Variants in NCOA3 observed in about 807,000 individuals in gnomAD.
NCOA3 encodes the protein nuclear receptor coactivator 3, also known as CBP-interacting protein.
A neutral mutation model predicts 158.8 loss-of-function variants in NCOA3; 51 were observed. The observed-to-expected ratio is 0.32, with a 90% CI of 0.26 to 0.41. NCOA3 has a LOEUF of 0.41. Among genes scored for constraint, NCOA3 ranks in the 10% least tolerant of loss-of-function variants. The probability of loss-of-function intolerance (pLI) is 1.00; values close to 1 mark genes in which losing one functional copy is unlikely to be tolerated. For missense variants in NCOA3, 1,510 were observed against 1,746.6 expected, an observed-to-expected ratio of 0.86 and a Z score of 2.41; for synonymous variants, 537 against 592.4, an observed-to-expected ratio of 0.91 and a Z score of 1.36.
chr20:47,544,173 T>C (rs1253694125), intron 1 of NCOA3, among the ~76,000 whole-genome samples: 1 of 152,006 alleles, frequency 6.6e-6, no homozygotes, highest in Non-Finnish European at 1.5e-5. Flanking sequence ...TGTTTTTTTC[T>C]GTTCCAGGAT....
intron 1 of NCOA3, among the ~76,000 whole-genome samples, chr20:47,558,848 T>C (rs2085054904): frequency 7.0e-6 from 1 of 142,852 alleles, no homozygotes; most frequent in South Asian, 2.3e-4. Flanking sequence ...TTTGGCCATA[T>C]CCACAACCTC....
intron 2 of NCOA3, among the ~76,000 whole-genome samples, chr20:47,610,287 A>G (rs1056481350): frequency 6.6e-6 from 1 of 152,142 alleles, no homozygotes; most frequent in South Asian, 2.1e-4. Flanking sequence ...TGCGGTGATC[A>G]TGGTTCACTG....
At chr20:47,604,318 A>G (rs942505048) in intron 2 of NCOA3, among the ~76,000 whole-genome samples, 3 of 152,210 alleles carry the variant, frequency 2.0e-5, no homozygotes, top group Non-Finnish European at 4.4e-5. Flanking sequence ...GCTGAGCTCA[A>G]ATCAGCTGTT....
At chr20:47,598,831 A>G (rs985346617) in intron 2 of NCOA3, among the ~76,000 whole-genome samples, 4 of 152,244 alleles carry the variant, frequency 2.6e-5, no homozygotes, top group African/African-American at 9.6e-5. Context: ...ATAAAAAGCA[A>G]TGAAGTACAG....
rs1321487210 is a variant in NCOA3, at chr20:47,514,211, T to A, written c.-99+12192T>A. Among the ~76,000 whole-genome samples the A allele has an allele frequency of 4.7e-5, 7 of 150,034 alleles. 1 individual carries two copies. The highest frequency in any genetic ancestry group is 2.0e-4 in the Admixed American group (3 of 14,986). On this transcript the variant is annotated intron_variant, in intron 1 of 22. Coordinates refer to ENST00000371998, the MANE Select transcript of NCOA3 (RefSeq NM_181659.3). ...ATTTTTTTACTTTTATTTTTTTGAATTTTTTTTTTAATTTATCAACATTTT... is the reference window on the plus strand; with the variant it reads ...ATTTTTTTACTTTTATTTTTTTGAAATTTTTTTTTAATTTATCAACATTTT...
Position 47,639,577 on chromosome 20 carries a change from G to A in NCOA3, c.2708G>A (p.Gly903Asp). The A allele has an allele frequency of 6.2e-7, 1 of 1,613,146 alleles. No individual in the cohort carries two copies. Among genetic ancestry groups the A allele is most frequent in the Non-Finnish European group, 8.5e-7 (1 of 1,179,844 alleles). The change falls in exon 15 of 23, where the codon GGT (glycine) becomes GAT (aspartate). Residue 903 changes from glycine to aspartate, a missense_variant and splice_region_variant. Gly to Asp is a moderately conservative substitution (Grantham distance 94). Around this residue, in one of 4 missense-constraint regions of NCOA3, gnomAD observed 1,017 missense variants for 1,098.3 expected, o/e 0.93. Transcript: ENST00000371998. ...ACCTAAGTATGGCTACCTGTTTTAG[G>A]TGGGCCAAACCGAAATGTGACTGTG... is the stretch of plus-strand genomic sequence containing the variant. ...DSQENYGSSM[G>D]GPNRNVTVTQ...
At chr20:47,582,553 G>A (rs1942598531) in intron 1 of NCOA3, among the ~76,000 whole-genome samples, 2 of 151,246 alleles carry the variant, frequency 1.3e-5, no homozygotes, top group South Asian at 4.2e-4. Flanking sequence ...TGTGTGTGGA[G>A]ATGGTGTCTT....
At chr20:47,567,016 G>GTATGTATGTATGTATT (rs1555805238) in intron 1 of NCOA3, among the ~76,000 whole-genome samples, 8 of 66,940 alleles carry the variant, frequency 1.2e-4, no homozygotes, top group South Asian at 1.8e-3. Flanking sequence ...ATAGTACTAT[G>GTATGTATGTATGTATT]TATGTATGTA....
rs1404785214 is a variant in NCOA3 at position 47,608,510 on chromosome 20, A to G, written c.-19-13719A>G. Among the ~76,000 whole-genome samples the G allele has an allele frequency of 1.3e-4, 19 of 151,690 alleles. 1 individual carries two copies. Among genetic ancestry groups the G allele is most frequent in the Admixed American group, 1.2e-3 (19 of 15,204 alleles). On this transcript the variant is annotated intron_variant, in intron 2 of 22. Coordinates refer to ENST00000371998, the MANE Select transcript of NCOA3 (RefSeq NM_181659.3). Reference sequence around the variant, plus strand: ...AAAAATCAGCTGGGCATGGTGGCACATGCGTGTGGTTCCAGCTACTCGGGA... The same window carrying G: ...AAAAATCAGCTGGGCATGGTGGCACGTGCGTGTGGTTCCAGCTACTCGGGA...
intron 1 of NCOA3, among the ~76,000 whole-genome samples, chr20:47,561,011 G>A (rs3091426): frequency 0.57 from 78,572 of 138,746 alleles, 22,665 homozygotes; most frequent in Middle Eastern, 0.68. Context: ...TCTGTCACCC[G>A]GGCTGGAGTA....
Position 47,653,616 on chromosome 20 carries a change from C to G in NCOA3, c.*199C>G. The G allele has an allele frequency of 4.6e-6, 3 of 650,914 alleles. No homozygotes were observed. The highest frequency in any genetic ancestry group is 4.1e-5 in the South Asian group (2 of 48,346). 40.3% of individuals were successfully genotyped at this position (650,914 alleles called of 1,614,324 possible). A position where few individuals can be genotyped will look rare whatever the true frequency, so the allele number is the denominator to read the frequency against. On this transcript the variant is annotated 3_prime_UTR_variant, in exon 23 of 23. Coordinates refer to ENST00000371998, the MANE Select transcript of NCOA3 (RefSeq NM_181659.3). ...GGGCAATATCTACGTGTTTTTCCCC[C>G]CTCCTTCTGCTGTGTATCATGGTGT...
chr20:47,512,412 T>C (rs1406903277), intron 1 of NCOA3, among the ~76,000 whole-genome samples: 1 of 150,200 alleles, frequency 6.7e-6, no homozygotes, highest in South Asian at 2.1e-4. Context: ...CTACTGAAAA[T>C]AAAAAATTAG....
chr20:47,652,431 C>G lies in NCOA3; in HGVS notation c.3972C>G (p.Ala1324=). ...GAATGGGACAACAACCAGATCCAGC[C>G]TTTGGTCGAGTGTCTAGTCCTCCCA... The part of the protein sequence containing the change: ...NYGMGQQPDP[A]FGRVSSPPNA... Residue 1324 remains alanine, a synonymous_variant, in exon 21 of 23, where the codon GCC becomes GCG. Transcript: ENST00000371998. 2.5e-6 allele frequency: 4 copies of G among 1,607,730 alleles called. No individual in the cohort carries two copies. Among genetic ancestry groups the G allele is most frequent in the Non-Finnish European group, 3.4e-6 (4 of 1,174,722 alleles).
chr20:47,624,451 A>G (rs6018595), intron 4 of NCOA3, among the ~76,000 whole-genome samples: 18 of 152,290 alleles, frequency 1.2e-4, no homozygotes, highest in African/African-American at 4.3e-4. Context: ...AGATTTGCAC[A>G]CCTGTGAGAA....
chr20:47,534,108 G>C (rs750948971), intron 1 of NCOA3, among the ~76,000 whole-genome samples: 11 of 147,528 alleles, frequency 7.5e-5, no homozygotes, highest in African/African-American at 1.8e-4. Flanking sequence ...TGGTTTCAGT[G>C]GGGGGGGCGG....
chr20:47,571,943 G>A (rs1234771035), intron 1 of NCOA3, among the ~76,000 whole-genome samples: 1 of 152,152 alleles, frequency 6.6e-6, no homozygotes, highest in Non-Finnish European at 1.5e-5. Context: ...GCCCAGGCTG[G>A]TCTCTAATTC....
At chr20:47,523,508 A>T (rs2084378917) in intron 1 of NCOA3, among the ~76,000 whole-genome samples, 1 of 152,238 alleles carries the variant, frequency 6.6e-6, no homozygotes, top group Non-Finnish European at 1.5e-5. Context: ...TACAAGACGT[A>T]TAAGCAAGAG....
At chr20:47,550,778 A>G (rs1602388203) in intron 1 of NCOA3, among the ~76,000 whole-genome samples, 1 of 152,316 alleles carries the variant, frequency 6.6e-6, no homozygotes, top group East Asian at 1.9e-4. Flanking sequence ...ACAAAAAATG[A>G]GTGCATGTCA....
chr20:47,653,161 G>T, intron 22 of NCOA3, 89 bp downstream of exon 22: 1 of 1,454,388 alleles, frequency 6.9e-7, no homozygotes, highest in South Asian at 1.3e-5. Context: ...AATGTCCTAG[G>T]TATATTTTAA....
Sources: gnomAD v4.1 joint callset for allele counts (sites outside exome capture counted in the v4.1 genomes callset) on GRCh38, gnomAD v4.1.1 for gene constraint, gnomAD v4.1.1 regional missense constraint, MANE v1.5 for transcripts, NCBI Gene and HGNC (gene_info 2026-07-23, HGNC 2026-07-21) for gene names.